The following CELF2 variants were observed in gnomAD, a reference collection of about 807,000 sequenced individuals.
The protein encoded by CELF2 is CUG triplet repeat RNA-binding protein 2.
In CELF2, 8 loss-of-function variants were observed where a neutral mutation model predicts 62.6. The observed-to-expected ratio is 0.13, with a 90% CI of 0.07 to 0.23. The LOEUF (loss-of-function observed/expected upper bound fraction) is 0.23. CELF2 is among the 10% of genes least tolerant of loss of function. The pLI is 1.00. For synonymous variants in CELF2, 258 were observed against 250.0 expected (o/e 1.03, Z -0.30); for missense variants, 333 against 671.0 (o/e 0.50, Z 5.56).
the CELF2 span, among the ~76,000 whole-genome samples, chr10:10,561,913 GC>G: frequency 3.9e-5 from 6 of 152,140 alleles, no homozygotes; most frequent in African/African-American, 1.4e-4. Flanking sequence ...TGCAGGTTCA[GC>G]CCCCCTGCTC....
chr10:11,173,855 AG>A (rs2069910559), intron 2 of CELF2, among the ~76,000 whole-genome samples: 1 of 152,228 alleles, frequency 6.6e-6, no homozygotes. Context: ...ATTGACCAAA[AG>A]GGAAAAAGTG....
chr10:10,898,853 C>T (rs1180290591), intron 1 of CELF2, among the ~76,000 whole-genome samples: 1 of 151,886 alleles, frequency 6.6e-6, no homozygotes, highest in East Asian at 1.9e-4. Flanking sequence ...TAGTTCATAC[C>T]CTGGGCCGTA....
Position 11,242,692 on chromosome 10 carries a change from C to T in CELF2, c.355-6461C>T, listed in dbSNP as rs79076451. On this transcript the variant is annotated intron_variant, in intron 3 of 12. Transcript: ENST00000633077. The surrounding 1 kb of genome is among the most constrained non-coding windows in gnomAD (Gnocchi z 4.8). ...ACAGCTGGGGCCTTGTGGGAAGAAT[C>T]GAAGGTCAGCTTACTCAGGAGTGAG... Among the ~76,000 whole-genome samples the T allele has an allele frequency of 8.0e-3, 1,216 of 152,264 alleles. 17 individuals are homozygous for T. The highest frequency in any genetic ancestry group is 0.028 in the African/African-American group (1,165 of 41,548).
chr10:10,644,282 T>C, the CELF2 span, among the ~76,000 whole-genome samples: 2 of 152,242 alleles, frequency 1.3e-5, no homozygotes, highest in Admixed American at 1.3e-4. Flanking sequence ...ACTAGGACTA[T>C]TGTGTGACCA....
intron 2 of CELF2, among the ~76,000 whole-genome samples, chr10:10,969,019 G>C (rs2050464332): frequency 6.6e-6 from 1 of 152,138 alleles, no homozygotes; most frequent in South Asian, 2.1e-4. Context: ...TTTTCTGATA[G>C]GGATAACAGC....
chr10:10,597,397 C>A, the CELF2 span, among the ~76,000 whole-genome samples: 1 of 152,134 alleles, frequency 6.6e-6, no homozygotes. Context: ...CACAACTTTT[C>A]AGACAGTAAA....
intron 1 of CELF2, among the ~76,000 whole-genome samples, chr10:11,073,160 A>T (rs2070702009): frequency 6.6e-6 from 1 of 152,218 alleles, no homozygotes; most frequent in African/African-American, 2.4e-5. Flanking sequence ...ACAAATCTGG[A>T]CAGAGCAGAG....
intron 1 of CELF2, among the ~76,000 whole-genome samples, chr10:10,845,785 C>G (rs2058976560): frequency 6.6e-6 from 1 of 152,076 alleles, no homozygotes; most frequent in Non-Finnish European, 1.5e-5. Flanking sequence ...CATGTGATGG[C>G]AGGTTTGGGT....
At chr10:10,814,168 A>G (rs945824244) in intron 1 of CELF2, among the ~76,000 whole-genome samples, 5 of 147,802 alleles carry the variant, frequency 3.4e-5, no homozygotes, top group Admixed American at 6.8e-5. Flanking sequence ...AGGAGGACAG[A>G]TCATGAAATG....
chr10:10,872,477 C>T (rs890247503), intron 1 of CELF2, among the ~76,000 whole-genome samples: 4 of 152,012 alleles, frequency 2.6e-5, no homozygotes, highest in African/African-American at 9.7e-5. Context: ...AAAAACATTC[C>T]GAATGATGAT....
At chr10:10,850,206 A>T (rs2059299679) in intron 1 of CELF2, among the ~76,000 whole-genome samples, 1 of 152,160 alleles carries the variant, frequency 6.6e-6, no homozygotes, top group Admixed American at 6.5e-5. Flanking sequence ...TTATTAAATT[A>T]TATCTGGTAG....
chr10:11,107,067 A>G (rs1347208184), intron 1 of CELF2, among the ~76,000 whole-genome samples: 2 of 152,166 alleles, frequency 1.3e-5, no homozygotes, highest in Non-Finnish European at 2.9e-5. Context: ...AAGAAGTAAG[A>G]CTTAACATGT....
At chr10:10,883,133 C>G (rs2061539382) in intron 1 of CELF2, among the ~76,000 whole-genome samples, 1 of 152,120 alleles carries the variant, frequency 6.6e-6, no homozygotes, top group Non-Finnish European at 1.5e-5. Flanking sequence ...TGTCATTCTG[C>G]TAATCTAGTA....
the CELF2 span, among the ~76,000 whole-genome samples, chr10:10,724,830 A>C: frequency 6.6e-6 from 1 of 152,150 alleles, no homozygotes; most frequent in Non-Finnish European, 1.5e-5. Flanking sequence ...TTCTTTAAAA[A>C]TGGCTCAAAA....
chr10:11,275,597 C>A (rs985373280), intron 8 of CELF2, among the ~76,000 whole-genome samples: 3 of 152,134 alleles, frequency 2.0e-5, no homozygotes, highest in African/African-American at 7.2e-5. Context: ...CCCTTGATAA[C>A]GACAGACAAT....
chr10:10,994,605 C>T (rs976873749), intron 2 of CELF2, among the ~76,000 whole-genome samples: 4 of 152,154 alleles, frequency 2.6e-5, no homozygotes, highest in Admixed American at 6.5e-5. Context: ...TATTCTTAAA[C>T]GAGCACAAAC....
chr10:11,220,368 A>G lies in CELF2; in HGVS notation c.354+2861A>G, dbSNP rs2064477170. ...GCCATCTTTCTTTCTTGAGGGACAC[A>G]AAGAACTTGGTTAGTTAGGAAGCAG... On this transcript the variant is annotated intron_variant, in intron 3 of 12. Transcript: ENST00000633077. This position sits in a 1 kb window ranked among gnomAD's most constrained non-coding sequence, Gnocchi z 4.4. Among the ~76,000 whole-genome samples the G allele has an allele frequency of 6.6e-6, 1 of 152,200 alleles. No individual in the cohort carries two copies. Among genetic ancestry groups the G allele is most frequent in the Non-Finnish European group, 1.5e-5 (1 of 68,032 alleles).
At chr10:11,232,502 AT>A (rs959346722) in intron 3 of CELF2, among the ~76,000 whole-genome samples, 9 of 152,156 alleles carry the variant, frequency 5.9e-5, no homozygotes, top group African/African-American at 9.7e-5. Flanking sequence ...GCATCCACTC[AT>A]TAGTGGAAAT....
At chr10:10,722,173 C>T in the CELF2 span, among the ~76,000 whole-genome samples, 2 of 151,828 alleles carry the variant, frequency 1.3e-5, no homozygotes, top group African/African-American at 4.8e-5. Context: ...CCTGGTGGCA[C>T]AAACCTGTAG....
Sources: allele counts gnomAD v4.1 joint callset (sites outside exome capture counted in the v4.1 genomes callset), GRCh38; gene constraint gnomAD v4.1.1; non-coding constraint Gnocchi (gnomAD v3.1); transcripts MANE v1.5; gene names NCBI Gene and HGNC (gene_info 2026-07-23, HGNC 2026-07-21).